ZNF549: variants seen among roughly 807,000 people sequenced by gnomAD.
ZNF549 encodes the protein zinc finger protein 549.
In ZNF549, 11 loss-of-function variants were observed where a neutral mutation model predicts 11.1. The ratio of observed to expected loss-of-function variants is 0.99; its 90% CI spans 0.62 to 1.64. The LOEUF is 1.64. ZNF549 is among the 40% of genes most tolerant of loss of function. The probability of loss-of-function intolerance (pLI) is 0.00; values close to 1 mark genes in which losing one functional copy is unlikely to be tolerated. For missense variants in ZNF549, 748 were observed against 765.1 expected, an observed-to-expected ratio of 0.98 and a Z score of 0.26; for synonymous variants, 266 against 269.1, an observed-to-expected ratio of 0.99 and a Z score of 0.11.
Position 57,537,466 on chromosome 19 carries a change from C to A in ZNF549, c.462C>A (p.Asp154Glu). ...ACCTGCAACAGCACCAGAACCAGGA[C>A]AGTGGAGAGAAACACATCAGAAAGG... ...GSNLQQHQNQ[D>E]SGEKHIRKEE... The change falls in exon 4 of 4, where the codon GAC becomes GAA. Residue 154 changes from aspartate to glutamate, a missense_variant. Asp to Glu is a conservative substitution (Grantham distance 45, BLOSUM62 2). Coordinates refer to ENST00000376233, the MANE Select transcript of ZNF549 (RefSeq NM_001199295.2). 6.2e-7 allele frequency: 1 copy of A among 1,614,210 alleles called. No homozygotes were observed. The highest frequency in any genetic ancestry group is 8.5e-7 in the Non-Finnish European group (1 of 1,180,044).
chr19:57,528,799 T>C (rs2089890974), intron 1 of ZNF549, among the ~76,000 whole-genome samples: 1 of 152,208 alleles, frequency 6.6e-6, no homozygotes, highest in Non-Finnish European at 1.5e-5. Flanking sequence ...CTGTATAGAT[T>C]TAACAAATTA....
Position 57,531,104 on chromosome 19 carries a change from C to G in ZNF549, c.68C>G (p.Ser23Ter), listed in dbSNP as rs756735233. 1.6e-5 allele frequency: 25 copies of G among 1,598,236 alleles called. No homozygotes were observed. Among genetic ancestry groups the G allele is most frequent in the Non-Finnish European group, 2.1e-5 (25 of 1,179,798 alleles). ...GTAACAGAAGAGTTTGTGAAACCAT[C>G]ACAGGTAAGTGGAAGAAGTCCCAGG... ...PMVTEEFVKP[S>*]QGHVTFEDIA... is the part of the protein sequence containing the mutation. The change falls in exon 2 of 4, where the codon TCA becomes TGA. Residue 23 changes from serine to a stop codon, truncating the protein, a stop_gained. Coordinates refer to ENST00000376233, the MANE Select transcript of ZNF549 (RefSeq NM_001199295.2). LOFTEE classifies it high-confidence loss of function.
At chr19:57,532,559 T>C (rs887525879) in intron 2 of ZNF549, among the ~76,000 whole-genome samples, 14 of 152,182 alleles carry the variant, frequency 9.2e-5, no homozygotes, top group Non-Finnish European at 2.1e-4. Context: ...GCTGGGGACC[T>C]GGTCACCGGG....
At chr19:57,531,727 G>C (rs191140465) in intron 2 of ZNF549, among the ~76,000 whole-genome samples, 42 of 152,322 alleles carry the variant, frequency 2.8e-4, no homozygotes, top group African/African-American at 9.9e-4. Context: ...TGATTAACAG[G>C]CAGGTAGTGT....
chr19:57,537,637 T>C lies in ZNF549; in HGVS notation c.633T>C (p.His211=), dbSNP rs141057653. Residue 211 remains histidine, a synonymous_variant, in exon 4 of 4, where the codon CAT becomes CAC. Coordinates refer to ENST00000376233, the MANE Select transcript of ZNF549 (RefSeq NM_001199295.2). The part of the protein sequence containing the change: ...QTTHSRQEYA[H]RSRETFQQRR... ...CCCACAGCAGACAAGAGTATGCACATAGAAGCAGGGAGACCTTTCAACAAA... is the reference window on the plus strand; with the variant it reads ...CCCACAGCAGACAAGAGTATGCACACAGAAGCAGGGAGACCTTTCAACAAA... The C allele has an allele frequency of 6.8e-6, 11 of 1,614,050 alleles. No homozygotes were observed. Among genetic ancestry groups the C allele is most frequent in the African/African-American group, 6.7e-5 (5 of 74,922 alleles).
intron 2 of ZNF549, among the ~76,000 whole-genome samples, chr19:57,534,329 G>A (rs1057092419): frequency 7.9e-5 from 12 of 152,180 alleles, no homozygotes; most frequent in Non-Finnish European, 7.3e-5. Flanking sequence ...CAGTAATGGA[G>A]GTCAAATAAC....
At chr19:57,529,179 C>T (rs1284197298) in intron 1 of ZNF549, among the ~76,000 whole-genome samples, 1 of 152,168 alleles carries the variant, frequency 6.6e-6, no homozygotes, top group Non-Finnish European at 1.5e-5. Context: ...GGTTTGTAGC[C>T]TAGGAGCAAT....
chr19:57,536,316 A>T (rs1032139368), intron 3 of ZNF549, among the ~76,000 whole-genome samples: 1 of 152,158 alleles, frequency 6.6e-6, no homozygotes, highest in East Asian at 1.9e-4. Context: ...AACACAGTAG[A>T]GTGTCAGTTG....
At chr19:57,531,162 T>A in intron 2 of ZNF549, 54 bp downstream of exon 2, 1 of 1,575,104 alleles carries the variant, frequency 6.3e-7, no homozygotes, top group Non-Finnish European at 8.6e-7. Context: ...AAGCCATGGG[T>A]CTGGCCCACA....
In ZNF549 at chr19:57,538,123, C is replaced by A. The variant is rs138206012; in HGVS notation, c.1119C>A (p.Ser373=). Residue 373 remains serine (S), a synonymous_variant, in exon 4 of 4, where the codon TCC becomes TCA. Coordinates refer to ENST00000376233, the MANE Select transcript of ZNF549 (RefSeq NM_001199295.2). The stretch of plus-strand genomic sequence containing the variant: ...AATGTGGGAAATCTTTTATTCATTC[C>A]TATGACCGCATTCGACACCAGAGAG... ...CMECGKSFIH[S]YDRIRHQRVH... 5.0e-6 allele frequency: 8 copies of A among 1,614,026 alleles called. No homozygotes were observed. The highest frequency in any genetic ancestry group is 6.8e-6 in the Non-Finnish European group (8 of 1,179,994).
chr19:57,531,186 A>G (rs1029216014), intron 2 of ZNF549, 78 bp downstream of exon 2: 8 of 1,486,174 alleles, frequency 5.4e-6, no homozygotes, highest in African/African-American at 2.8e-5. Context: ...GCAGGTAACA[A>G]TAATGTCCTG....
rs1265717022 is a variant in ZNF549 at position 57,537,880 on chromosome 19, G to A, written c.876G>A (p.Gly292=). ...KSFLHKQTLV[G]HQQRIHTRER... is the part of the protein sequence containing the mutation. ...TCCTCCATAAACAAACACTCGTTGG[G>A]CACCAGCAGAGAATTCACACTAGAG... Residue 292 remains glycine (G), a synonymous_variant, in exon 4 of 4, where the codon GGG becomes GGA. Transcript: ENST00000376233. 2 of 1,613,188 alleles carry A rather than the reference G, an allele frequency of 1.2e-6. No individual in the cohort carries two copies. Among genetic ancestry groups the A allele is most frequent in the Admixed American group, 1.7e-5 (1 of 59,962 alleles).
chr19:57,535,334 A>G, intron 3 of ZNF549, 64 bp downstream of exon 3: 1 of 1,542,518 alleles, frequency 6.5e-7, no homozygotes, highest in Non-Finnish European at 8.8e-7. Flanking sequence ...TTTTTCCAGG[A>G]GTTTCCTGTC....
intron 3 of ZNF549, among the ~76,000 whole-genome samples, chr19:57,536,413 T>C (rs970779359): frequency 6.6e-6 from 1 of 152,194 alleles, no homozygotes; most frequent in Non-Finnish European, 1.5e-5. Context: ...ATCACTAGCC[T>C]GGGAAAAGTT....
chr19:57,540,679 G>C lies in ZNF549; in HGVS notation c.*1752G>C, dbSNP rs1300962169. 6.6e-6 allele frequency: 1 copy of C among 152,202 alleles called. No individual in the cohort carries two copies. Among genetic ancestry groups the C allele is most frequent in the East Asian group, 1.9e-4 (1 of 5,196 alleles). 9.4% of individuals were successfully genotyped at this position (152,202 alleles called of 1,614,324 possible). A position where few individuals can be genotyped will look rare whatever the true frequency, so the allele number is the denominator to read the frequency against. ...GGAGGCTGAGGCAGGAGAATTGCTT[G>C]AACCTGGGGGGCGGAGGTTGCAATG... On this transcript the variant is annotated 3_prime_UTR_variant, in exon 4 of 4. Transcript: ENST00000376233.
At chr19:57,531,715 A>G (rs1280090252) in intron 2 of ZNF549, among the ~76,000 whole-genome samples, 2 of 152,222 alleles carry the variant, frequency 1.3e-5, no homozygotes, top group African/African-American at 2.4e-5. Context: ...ATGGCCACAT[A>G]GTGATTAACA....
intron 3 of ZNF549, 113 bp from the exon 4 acceptor site, chr19:57,537,091 C>G: frequency 7.8e-7 from 1 of 1,289,992 alleles, no homozygotes; most frequent in South Asian, 1.5e-5. Context: ...AAGACCCTAT[C>G]TCAAAGAAAA....
In ZNF549 at chr19:57,538,218, T is replaced by G. The variant is rs1568590905; in HGVS notation, c.1214T>G (p.Leu405Arg). ...GKSFIYKQSLLDHHRIHTGER... is the reference protein window; with the variant it reads ...GKSFIYKQSLRDHHRIHTGER... ...TCCTTCATATACAAACAGTCACTTC[T>G]TGATCACCATAGAATCCACACGGGA... The change falls in exon 4 of 4, where the codon CTT (leucine) becomes CGT (arginine). Residue 405 changes from leucine to arginine, a missense_variant. By Grantham distance (102) the Leu-to-Arg change is moderately radical (BLOSUM62 -2). Coordinates refer to ENST00000376233, the MANE Select transcript of ZNF549 (RefSeq NM_001199295.2). 1 of 1,614,152 alleles carries G rather than the reference T, an allele frequency of 6.2e-7. No individual in the cohort carries two copies. Among genetic ancestry groups the G allele is most frequent in the Non-Finnish European group, 8.5e-7 (1 of 1,180,032 alleles).
rs556571620 is a variant in ZNF549 at position 57,540,077 on chromosome 19, T to C, written c.*1150T>C. ...AACTTATGTACTGTTTTTGAGATGA[T>C]TGCTGCACGGGCAGGAAAGCAGGAT... is the stretch of plus-strand genomic sequence containing the variant. On this transcript the variant is annotated 3_prime_UTR_variant, in exon 4 of 4. Coordinates refer to ENST00000376233, the MANE Select transcript of ZNF549 (RefSeq NM_001199295.2). The C allele has an allele frequency of 5.3e-5, 8 of 152,344 alleles. No homozygotes were observed. The highest frequency in any genetic ancestry group is 1.4e-4 in the African/African-American group (6 of 41,580). The allele number at this position is 152,344 out of a possible 1,614,324, so 9.4% of individuals were successfully genotyped here. A position where few individuals can be genotyped will look rare whatever the true frequency, so the allele number is the denominator to read the frequency against.
Sources: allele counts gnomAD v4.1 joint callset (sites outside exome capture counted in the v4.1 genomes callset), GRCh38; gene constraint gnomAD v4.1.1; transcripts MANE v1.5; gene names NCBI Gene and HGNC (gene_info 2026-07-23, HGNC 2026-07-21).